Variants in PLXNA4 observed in about 807,000 individuals in gnomAD.
PLXNA4 encodes the protein plexin A4, also known as plexin-A4.
A neutral mutation model predicts 191.8 loss-of-function variants in PLXNA4; 44 were observed. That is an observed-to-expected ratio of 0.23 (90% CI 0.18 to 0.29). PLXNA4 has a LOEUF of 0.29. PLXNA4 is among the 10% of genes least tolerant of loss of function. The pLI is 1.00. For missense variants in PLXNA4, 1,800 were observed against 2,488.8 expected (o/e 0.72, Z 5.89); for synonymous variants, 1,082 against 1,009.5 (o/e 1.07, Z -1.36).
intron 3 of PLXNA4, among the ~76,000 whole-genome samples, chr7:132,317,322 G>T (rs1801982234): frequency 6.6e-6 from 1 of 151,476 alleles, no homozygotes; most frequent in African/African-American, 2.4e-5. Context: ...ATTGGATTGA[G>T]TTGGGTTGGG....
At chr7:132,151,513 A>AGG (rs1562885340) in intron 25 of PLXNA4, among the ~76,000 whole-genome samples, 4 of 9,260 alleles carry the variant, frequency 4.3e-4, no homozygotes, top group Non-Finnish European at 9.6e-4. Context: ...GAGGAGGAGA[A>AGG]AGGAGGAGGA....
At chr7:132,148,078 T>G in intron 26 of PLXNA4, 79 bp from the exon 27 acceptor site, 1 of 1,606,254 alleles carries the variant, frequency 6.2e-7, no homozygotes, top group Non-Finnish European at 8.5e-7. Flanking sequence ...ATGATGAACT[T>G]GGCACTAAGG....
chr7:132,132,440 C>CTGTTCTGTTCTGT (rs1563048148), intron 31 of PLXNA4, among the ~76,000 whole-genome samples: 1 of 64,746 alleles, frequency 1.5e-5, no homozygotes, highest in Admixed American at 2.2e-4. Context: ...CTGTTCTGTT[C>CTGTTCTGTTCTGT]TGTTCTGTTC....
intron 3 of PLXNA4, among the ~76,000 whole-genome samples, chr7:132,379,140 C>T (rs756732771): frequency 3.3e-5 from 5 of 152,158 alleles, no homozygotes; most frequent in Non-Finnish European, 7.3e-5. Flanking sequence ...CATGAGCAAC[C>T]GTGCTCGGCC....
intron 3 of PLXNA4, among the ~76,000 whole-genome samples, chr7:132,464,246 T>C (rs983497251): frequency 6.6e-6 from 1 of 152,094 alleles, no homozygotes; most frequent in Non-Finnish European, 1.5e-5. Flanking sequence ...AGGAGGTAAG[T>C]GGGAATATTA....
At chr7:132,361,966 TC>T (rs1259436423) in intron 3 of PLXNA4, among the ~76,000 whole-genome samples, 3 of 152,206 alleles carry the variant, frequency 2.0e-5, no homozygotes, top group African/African-American at 7.2e-5. Context: ...TTCACTTCCA[TC>T]AATAACTCAA....
chr7:132,435,611 C>G (rs1219505388), intron 3 of PLXNA4, among the ~76,000 whole-genome samples: 1 of 152,190 alleles, frequency 6.6e-6, no homozygotes, highest in African/African-American at 2.4e-5. Flanking sequence ...GTCAGAGATA[C>G]AGCCGGACAT....
In PLXNA4 at chr7:132,128,753, G is replaced by C. The variant is rs987075455; in HGVS notation, c.*1726C>G. On this transcript the variant is annotated 3_prime_UTR_variant, in exon 32 of 32. Transcript: ENST00000321063. ...CTTCCCCAAGGGGGGCTCATTCTGAGTGGGTGACAAGGAATGATGTCTGAT... is the reference window on the plus strand; with the variant it reads ...CTTCCCCAAGGGGGGCTCATTCTGACTGGGTGACAAGGAATGATGTCTGAT... 4.6e-5 allele frequency: 7 copies of C among 152,248 alleles called. No homozygotes were observed. Among genetic ancestry groups the C allele is most frequent in the Non-Finnish European group, 1.0e-4 (7 of 68,048 alleles). The allele number at this position is 152,248 out of a possible 1,614,324, so 9.4% of individuals were successfully genotyped here. A position where few individuals can be genotyped will look rare whatever the true frequency, so the allele number is the denominator to read the frequency against.
chr7:132,275,152 A>G (rs1466115444), intron 4 of PLXNA4, among the ~76,000 whole-genome samples: 1 of 152,180 alleles, frequency 6.6e-6, no homozygotes, highest in African/African-American at 2.4e-5. Context: ...TTATTGTAAC[A>G]TAATTAAAGA....
upstream of PLXNA4, among the ~76,000 whole-genome samples, chr7:132,578,176 G>C (rs1802329219): frequency 6.6e-6 from 1 of 152,088 alleles, no homozygotes; most frequent in Non-Finnish European, 1.5e-5. Context: ...GATCCCCCTA[G>C]GAATGGGCCC....
rs150417090 is a variant in PLXNA4 at position 132,346,068 on chromosome 7, T to C, written c.1372-47846A>G. Among the ~76,000 whole-genome samples the C allele has an allele frequency of 3.2e-3, 492 of 152,332 alleles. 2 individuals are homozygous for C. Among genetic ancestry groups the C allele is most frequent in the African/African-American group, 0.011 (469 of 41,574 alleles). On this transcript the variant is annotated intron_variant, in intron 3 of 31. Transcript: ENST00000321063. ...CTTCAAATGACCTTCTCTCTGGGTC[T>C]TTCTCAGCACTGACTTAACCTTGTT... is the stretch of plus-strand genomic sequence containing the variant.
intron 10 of PLXNA4, among the ~76,000 whole-genome samples, chr7:132,208,361 C>T (rs752236863): frequency 2.0e-5 from 3 of 152,208 alleles, no homozygotes; most frequent in Non-Finnish European, 4.4e-5. Context: ...TCTCCTACAA[C>T]TAATGGTGTC....
At chr7:132,499,824 C>G (rs1029125076) in intron 2 of PLXNA4, among the ~76,000 whole-genome samples, 1 of 152,062 alleles carries the variant, frequency 6.6e-6, no homozygotes, top group African/African-American at 2.4e-5. Flanking sequence ...ATAAATCAGC[C>G]GAACAAATCC....
intron 8 of PLXNA4, among the ~76,000 whole-genome samples, chr7:132,224,079 G>C (rs1184658564): frequency 1.3e-5 from 2 of 152,176 alleles, no homozygotes; most frequent in African/African-American, 4.8e-5. Flanking sequence ...GACTGAGGCT[G>C]CTGTCTCACT....
At chr7:132,346,646 A>G (rs1217683144) in intron 3 of PLXNA4, among the ~76,000 whole-genome samples, 3 of 152,156 alleles carry the variant, frequency 2.0e-5, no homozygotes, top group East Asian at 1.9e-4. Context: ...TTTATACTTC[A>G]GTTTTCCCCA....
intron 1 of PLXNA4, among the ~76,000 whole-genome samples, chr7:132,539,750 A>G (rs1799990164): frequency 6.6e-6 from 1 of 152,250 alleles, no homozygotes; most frequent in African/African-American, 2.4e-5. Flanking sequence ...GTAAGCACTC[A>G]TAAATATTTG....
Position 132,238,963 on chromosome 7 carries a change from AGG to A in PLXNA4, c.1604+2101_1604+2102del, listed in dbSNP as rs201129689. On this transcript the variant is annotated intron_variant, in intron 5 of 31. Coordinates refer to ENST00000321063, the MANE Select transcript of PLXNA4 (RefSeq NM_020911.2). ...TGATTCCCCAGTGACTCAGTGAGGC[AGG>A]GGAGACAGGCATCACCATGTCCAAT... Among the ~76,000 whole-genome samples the A allele has an allele frequency of 4.8e-3, 724 of 152,296 alleles. 8 individuals carry two copies. The highest frequency in any genetic ancestry group is 0.017 in the African/African-American group (698 of 41,566).
chr7:132,404,046 G>A (rs1464370161), intron 3 of PLXNA4, among the ~76,000 whole-genome samples: 1 of 152,148 alleles, frequency 6.6e-6, no homozygotes, highest in East Asian at 1.9e-4. Flanking sequence ...GCTCTGTGGT[G>A]GGCCAGGAGA....
rs1253316773 is a variant in PLXNA4 at position 132,240,456 on chromosome 7, G to A, written c.1604+610C>T. On this transcript the variant is annotated intron_variant, in intron 5 of 31. Coordinates refer to ENST00000321063, the MANE Select transcript of PLXNA4 (RefSeq NM_020911.2). ...ACATTGGCAAGAGGCCAGCACTCAG[G>A]CCGGGCTTTATTGGCCCAGTGACTC... Among the ~76,000 whole-genome samples the A allele has an allele frequency of 4.6e-5, 7 of 152,310 alleles. No homozygotes were observed. The East Asian group carries it at 9.6e-4, about 21-fold the overall frequency.
Sources: allele counts gnomAD v4.1 joint callset (sites outside exome capture counted in the v4.1 genomes callset), GRCh38; gene constraint gnomAD v4.1.1; transcripts MANE v1.5; gene names NCBI Gene and HGNC (gene_info 2026-07-23, HGNC 2026-07-21).